PTPRD: variants seen among roughly 807,000 people sequenced by gnomAD.
PTPRD encodes protein tyrosine phosphatase receptor type D.
A neutral mutation model predicts 214.5 loss-of-function variants in PTPRD; 34 were observed. The observed-to-expected ratio is 0.16, with a 90% CI of 0.12 to 0.21. The LOEUF is 0.21. Ranked by LOEUF, PTPRD falls within the 10% of genes least tolerant of loss-of-function variation. The pLI is 1.00. For synonymous variants in PTPRD, 1,128 were observed against 845.7 expected (o/e 1.33, Z -5.79); for missense variants, 2,545 against 2,398.7 (o/e 1.06, Z -1.27).
intron 6 of PTPRD, among the ~76,000 whole-genome samples, chr9:9,761,005 G>A (rs1160348443): frequency 2.0e-5 from 3 of 152,078 alleles, no homozygotes; most frequent in Non-Finnish European, 2.9e-5. Context: ...TTTCTTATAA[G>A]ACTAAACATG....
intron 7 of PTPRD, among the ~76,000 whole-genome samples, chr9:9,578,268 T>A (rs73641321): frequency 3.3e-5 from 5 of 152,000 alleles, no homozygotes; most frequent in African/African-American, 1.2e-4. Flanking sequence ...ACTACAGAAA[T>A]CTTGAAAAGT....
intron 11 of PTPRD, among the ~76,000 whole-genome samples, chr9:8,991,239 T>C (rs1055937957): frequency 4.7e-5 from 7 of 148,124 alleles, no homozygotes; most frequent in African/African-American, 1.7e-4. Context: ...AAAAAAAAAG[T>C]TGGTTGATAG....
intron 2 of PTPRD, among the ~76,000 whole-genome samples, chr9:10,350,789 G>C (rs539583464): frequency 3.0e-4 from 45 of 152,230 alleles, no homozygotes; most frequent in African/African-American, 1.1e-3. Flanking sequence ...TAAAGCTAAT[G>C]GTCATCGTGC....
chr9:10,439,069 G>C (rs112288320), intron 2 of PTPRD, among the ~76,000 whole-genome samples: 1 of 151,792 alleles, frequency 6.6e-6, no homozygotes. Flanking sequence ...GTGCTTGTCC[G>C]TTGGAGCTTA....
At chr9:9,770,003 T>C (rs1258621890) in intron 5 of PTPRD, among the ~76,000 whole-genome samples, 1 of 152,204 alleles carries the variant, frequency 6.6e-6, no homozygotes, top group Non-Finnish European at 1.5e-5. Flanking sequence ...TTATCCAGTC[T>C]ATCACTGATG....
At chr9:9,578,710 A>G (rs1190833482) in intron 7 of PTPRD, among the ~76,000 whole-genome samples, 1 of 152,082 alleles carries the variant, frequency 6.6e-6, no homozygotes, top group Admixed American at 6.6e-5. Flanking sequence ...GAAAAGTTTC[A>G]TATATTAGAG....
chr9:9,206,236 A>T (rs549967436), intron 9 of PTPRD, among the ~76,000 whole-genome samples: 1 of 152,292 alleles, frequency 6.6e-6, no homozygotes, highest in African/African-American at 2.4e-5. Context: ...AGAAGTAATG[A>T]TGGAGGGTGG....
intron 11 of PTPRD, among the ~76,000 whole-genome samples, chr9:8,921,025 G>A (rs1364233442): frequency 6.6e-6 from 1 of 152,108 alleles, no homozygotes; most frequent in African/African-American, 2.4e-5. Flanking sequence ...TGTTGGCCAG[G>A]CTGGTCTTGA....
chr9:8,377,225 C>CT (rs202233705), intron 37 of PTPRD, among the ~76,000 whole-genome samples: 18 of 151,242 alleles, frequency 1.2e-4, no homozygotes, highest in East Asian at 7.8e-4. Context: ...TAAGCATGTG[C>CT]TTTTTTTTTG....
At chr9:10,360,696 G>C (rs1392712311) in intron 2 of PTPRD, among the ~76,000 whole-genome samples, 1 of 152,070 alleles carries the variant, frequency 6.6e-6, no homozygotes, top group Non-Finnish European at 1.5e-5. Context: ...GCTTTATTTA[G>C]CACGGTTTTT....
intron 2 of PTPRD, among the ~76,000 whole-genome samples, chr9:10,368,512 A>G (rs897290832): frequency 6.6e-6 from 1 of 152,064 alleles, no homozygotes; most frequent in African/African-American, 2.4e-5. Flanking sequence ...TAAATCGATA[A>G]ATTAGAGGTG....
intron 10 of PTPRD, among the ~76,000 whole-genome samples, chr9:9,153,628 T>C (rs1202548260): frequency 1.3e-5 from 2 of 152,220 alleles, no homozygotes; most frequent in African/African-American, 2.4e-5. Flanking sequence ...TAAAGATGTG[T>C]ATTTTGTTAA....
At chr9:9,642,899 G>C (rs1210079276) in intron 7 of PTPRD, among the ~76,000 whole-genome samples, 1 of 152,216 alleles carries the variant, frequency 6.6e-6, no homozygotes, top group South Asian at 2.1e-4. Flanking sequence ...AAACAGAGCT[G>C]TGATTTGTAC....
intron 11 of PTPRD, among the ~76,000 whole-genome samples, chr9:8,953,579 A>G (rs183889191): frequency 6.6e-6 from 1 of 152,202 alleles, no homozygotes; most frequent in East Asian, 1.9e-4. Flanking sequence ...GTGGGAGAAG[A>G]TGTTCACAAA....
rs563807887 is a variant in PTPRD at position 10,292,862 on chromosome 9, G to C, written c.-545+48101C>G. ...ACTGAATGAGGAACACTTAATGAGT[G>C]TTATAATGTGTGTATATAAATTAAT... On this transcript the variant is annotated intron_variant, in intron 3 of 45. Coordinates refer to ENST00000381196, the MANE Select transcript of PTPRD (RefSeq NM_002839.4). 4.6e-5 allele frequency among the ~76,000 whole-genome samples: 7 copies of C among 151,748 alleles called. No homozygotes were observed. In the South Asian group the frequency reaches 1.5e-3, roughly 32 times the overall value.
At chr9:9,805,873 T>A (rs1444543747) in intron 5 of PTPRD, among the ~76,000 whole-genome samples, 1 of 151,914 alleles carries the variant, frequency 6.6e-6, no homozygotes. Context: ...CAGACTTCTG[T>A]AAGAAGAACA....
chr9:8,789,295 C>A (rs1439162142), intron 11 of PTPRD, among the ~76,000 whole-genome samples: 1 of 152,130 alleles, frequency 6.6e-6, no homozygotes, highest in Non-Finnish European at 1.5e-5. Flanking sequence ...CTGATTGGCA[C>A]AGAGGTGGTT....
intron 5 of PTPRD, among the ~76,000 whole-genome samples, chr9:9,823,395 A>T (rs964640691): frequency 6.6e-6 from 1 of 152,050 alleles, no homozygotes; most frequent in African/African-American, 2.4e-5. Flanking sequence ...TTACTATTGC[A>T]AAGACAGCAC....
chr9:9,170,144 C>T (rs537327133), intron 10 of PTPRD, among the ~76,000 whole-genome samples: 1 of 152,216 alleles, frequency 6.6e-6, no homozygotes, highest in South Asian at 2.1e-4. Flanking sequence ...TCTGTGATTA[C>T]AAAATTGGAT....
Sources: gnomAD v4.1 joint callset for allele counts (sites outside exome capture counted in the v4.1 genomes callset) on GRCh38, gnomAD v4.1.1 for gene constraint, MANE v1.5 for transcripts, NCBI Gene and HGNC (gene_info 2026-07-23, HGNC 2026-07-21) for gene names.